The following SACS variants were observed in gnomAD, a reference collection of about 807,000 sequenced individuals.
SACS encodes the protein sacsin molecular chaperone, also known as sacsin.
A neutral mutation model predicts 348.0 loss-of-function variants in SACS; 197 were observed. That is an observed-to-expected ratio of 0.57 (90% CI 0.50 to 0.64). The LOEUF (loss-of-function observed/expected upper bound fraction) is 0.64. SACS is among the 30% of genes least tolerant of loss of function. The pLI, the probability that SACS is intolerant of heterozygous loss-of-function variation, is 0.00. For synonymous variants in SACS, 1,985 were observed against 1,910.6 expected, an observed-to-expected ratio of 1.04 and a Z score of -1.02; for missense variants, 4,999 against 5,360.8, an observed-to-expected ratio of 0.93 and a Z score of 2.11.
In SACS at chr13:23,430,194, T is replaced by G. The variant is rs565101508; in HGVS notation, c.-502+3421A>C. 7.9e-5 allele frequency among the ~76,000 whole-genome samples: 12 copies of G among 151,838 alleles called. No individual in the cohort carries two copies. The South Asian group carries it at 2.5e-3, about 32-fold the overall frequency. Reference sequence around the variant, plus strand: ...CTGGCCTCCAGCCTGGGTGACAGAGTTAGACAACATCTCAAAAAAAAAAAA... The same window carrying G: ...CTGGCCTCCAGCCTGGGTGACAGAGGTAGACAACATCTCAAAAAAAAAAAA... On this transcript the variant is annotated intron_variant, in intron 1 of 9. Transcript: ENST00000382292.
chr13:23,365,816 T>C (rs1871028682), intron 5 of SACS, among the ~76,000 whole-genome samples: 1 of 152,206 alleles, frequency 6.6e-6, no homozygotes, highest in Admixed American at 6.5e-5. Context: ...TGCACTAAAC[T>C]GAAAGCTTCC....
Position 23,340,518 on chromosome 13 carries a change from C to G in SACS, c.3358G>C (p.Asp1120His). Residue 1120 changes from aspartate to histidine, a missense_variant, in exon 10 of 10, where the codon GAT becomes CAT. Asp to His is a moderately conservative substitution (Grantham distance 81). Coordinates refer to ENST00000382292, the MANE Select transcript of SACS (RefSeq NM_014363.6). The part of the protein sequence containing the change: ...IEALQVGACP[D>H]QDVLLKKAKT... ...GCTTTCTTCAGAAGAACATCTTGATCAGGACAAGCACCGACCTGTAAGGCT... is the reference window on the plus strand; with the variant it reads ...GCTTTCTTCAGAAGAACATCTTGATGAGGACAAGCACCGACCTGTAAGGCT... 6.2e-7 allele frequency: 1 copy of G among 1,611,110 alleles called. No homozygotes were observed. The highest frequency in any genetic ancestry group is 8.5e-7 in the Non-Finnish European group (1 of 1,178,920).
intron 2 of SACS, among the ~76,000 whole-genome samples, chr13:23,406,661 A>G (rs1383760976): frequency 1.3e-5 from 2 of 152,236 alleles, no homozygotes; most frequent in African/African-American, 4.8e-5. Flanking sequence ...ATAAATTTAC[A>G]AAAAGGGAGA....
intron 4 of SACS, among the ~76,000 whole-genome samples, chr13:23,368,824 G>A (rs964277492): frequency 1.3e-4 from 20 of 151,860 alleles, no homozygotes; most frequent in Admixed American, 3.9e-4. Flanking sequence ...TCAGCCTCCC[G>A]AATAGCTGGG....
Position 23,335,766 on chromosome 13 carries a change from T to C in SACS, c.8110A>G (p.Asn2704Asp), listed in dbSNP as rs767124800. Residue 2704 changes from asparagine (N) to aspartate (D), a missense_variant, in exon 10 of 10, where the codon AAT becomes GAT. Transcript: ENST00000382292. The surrounding 1 kb of genome is among the most constrained non-coding windows in gnomAD (Gnocchi z 4.7). ...TCCGAAACTTTTGCCATTTCTGCATTACGAAGAGGAAATCTGAACATTGTG... is the reference window on the plus strand; with the variant it reads ...TCCGAAACTTTTGCCATTTCTGCATCACGAAGAGGAAATCTGAACATTGTG... ...NCTMFRFPLR[N>D]AEMAKVSEIS... The C allele has an allele frequency of 6.2e-7, 1 of 1,614,058 alleles. No individual in the cohort carries two copies. Among genetic ancestry groups the C allele is most frequent in the East Asian group, 2.2e-5 (1 of 44,890 alleles).
intron 9 of SACS, among the ~76,000 whole-genome samples, chr13:23,350,305 T>C (rs1157969455): frequency 1.3e-5 from 2 of 152,208 alleles, no homozygotes; most frequent in Non-Finnish European, 1.5e-5. Flanking sequence ...AAGACAACTC[T>C]TTCCGGAAGC....
rs1883347751 is a variant in SACS, at chr13:23,329,741, C to G, written c.*395G>C. On this transcript the variant is annotated 3_prime_UTR_variant, in exon 10 of 10. Transcript: ENST00000382292. ...AGACTTAATTCCCCTTATGTTTAAA[C>G]CAATTATATGTCCAGTGTTTCATTA... 2.0e-6 allele frequency: 1 copy of G among 492,864 alleles called. No homozygotes were observed. The highest frequency in any genetic ancestry group is 2.0e-5 in the African/African-American group (1 of 50,690). 30.5% of individuals were successfully genotyped at this position (492,864 alleles called of 1,614,324 possible). A position where few individuals can be genotyped will look rare whatever the true frequency, so the allele number is the denominator to read the frequency against.
intron 2 of SACS, among the ~76,000 whole-genome samples, chr13:23,390,792 G>A (rs368781160): frequency 5.9e-5 from 9 of 152,190 alleles, no homozygotes; most frequent in East Asian, 1.9e-4. Flanking sequence ...ATCCCTCGTC[G>A]TGTCTAAAGA....
chr13:23,341,826 G>A (rs1223715212), intron 9 of SACS, 136 bp from the exon 10 acceptor site: 17 of 751,718 alleles, frequency 2.3e-5, no homozygotes, highest in African/African-American at 1.5e-4. Context: ...TTGCTCTGTC[G>A]CCCAGGCTGG....
At chr13:23,384,087 A>T (rs1175318319) in intron 2 of SACS, among the ~76,000 whole-genome samples, 1 of 152,254 alleles carries the variant, frequency 6.6e-6, no homozygotes, top group Non-Finnish European at 1.5e-5. Context: ...GGGGTATTAG[A>T]AACACTCCTT....
Position 23,329,347 on chromosome 13 carries a change from A to C in SACS, c.*789T>G. ...TATAACATTTGTGGAAAATATGTAC[A>C]CACAAACATAAAGCAAGTGTTCTAA... is the stretch of plus-strand genomic sequence containing the variant. On this transcript the variant is annotated 3_prime_UTR_variant, in exon 10 of 10. Coordinates refer to ENST00000382292, the MANE Select transcript of SACS (RefSeq NM_014363.6). 1.5e-6 allele frequency: 1 copy of C among 679,302 alleles called. No homozygotes were observed. The highest frequency in any genetic ancestry group is 2.7e-6 in the Non-Finnish European group (1 of 376,590). 42.1% of individuals were successfully genotyped at this position (679,302 alleles called of 1,614,324 possible). A position where few individuals can be genotyped will look rare whatever the true frequency, so the allele number is the denominator to read the frequency against.
intron 4 of SACS, 42 bp from the exon 5 acceptor site, chr13:23,368,529 C>G: frequency 7.0e-7 from 1 of 1,422,814 alleles, no homozygotes; most frequent in African/African-American, 1.4e-5. Context: ...GAAAAAAAAT[C>G]CCATGAATTG....
intron 5 of SACS, among the ~76,000 whole-genome samples, chr13:23,366,602 T>C (rs562487983): frequency 6.6e-6 from 1 of 152,358 alleles, no homozygotes; most frequent in Admixed American, 6.5e-5. Flanking sequence ...GATAGCACTT[T>C]AGATGTTCGA....
Position 23,331,045 on chromosome 13 carries a change from A to G in SACS, c.12831T>C (p.Pro4277=). 6.2e-7 allele frequency: 1 copy of G among 1,614,082 alleles called. No individual in the cohort carries two copies. The highest frequency in any genetic ancestry group is 1.1e-5 in the South Asian group (1 of 91,084). Residue 4277 remains proline, a synonymous_variant, in exon 10 of 10, where the codon CCT becomes CCC. Transcript: ENST00000382292. ...GGCTCTCTCTACCAGAGAAAAGAGG[A>G]GGAATGCTTCTCAGGCCAGGGGTGA... ...EFLTPGLRSI[P]PLFSGRESHK...
chr13:23,413,059 C>T (rs1873557878), intron 1 of SACS, among the ~76,000 whole-genome samples: 1 of 152,152 alleles, frequency 6.6e-6, no homozygotes, highest in Admixed American at 6.5e-5. Context: ...CTAACTGCAA[C>T]CTCTTCCTCC....
intron 6 of SACS, among the ~76,000 whole-genome samples, chr13:23,359,818 G>GTATA (rs1477504431): frequency 6.6e-6 from 1 of 152,044 alleles, no homozygotes; most frequent in East Asian, 1.9e-4. Context: ...TCCACATGAG[G>GTATA]TATATAGGGC....
intron 2 of SACS, among the ~76,000 whole-genome samples, chr13:23,389,917 C>A (rs1448534242): frequency 6.6e-6 from 1 of 152,210 alleles, no homozygotes; most frequent in Admixed American, 6.5e-5. Flanking sequence ...GCTGCATCTA[C>A]ATATGCCAGA....
chr13:23,365,321 A>C (rs770797575), intron 5 of SACS, 44 bp from the exon 6 acceptor site: 1 of 1,033,224 alleles, frequency 9.7e-7, no homozygotes, highest in African/African-American at 1.6e-5. Context: ...ATAACACAGT[A>C]ATCTACTGCT....
intron 1 of SACS, among the ~76,000 whole-genome samples, chr13:23,429,811 C>T (rs1874363001): frequency 6.6e-6 from 1 of 152,122 alleles, no homozygotes; most frequent in African/African-American, 2.4e-5. Flanking sequence ...ATCTTGGGTA[C>T]TTTTTATTAC....
Sources: gnomAD v4.1 joint callset for allele counts (sites outside exome capture counted in the v4.1 genomes callset) on GRCh38, gnomAD v4.1.1 for gene constraint, Gnocchi (gnomAD v3.1) non-coding constraint, MANE v1.5 for transcripts, NCBI Gene and HGNC (gene_info 2026-07-23, HGNC 2026-07-21) for gene names.